Variants in BLMH observed in about 807,000 individuals in gnomAD.
The protein encoded by BLMH is bleomycin hydrolase.
In BLMH, 32 loss-of-function variants were observed where a neutral mutation model predicts 61.6. The ratio of observed to expected loss-of-function variants is 0.52; its 90% CI spans 0.39 to 0.70. BLMH has a LOEUF of 0.70. BLMH is among the 30% of genes least tolerant of loss of function. The pLI, the probability that BLMH is intolerant of heterozygous loss-of-function variation, is 0.00. For synonymous variants in BLMH, 183 were observed against 193.8 expected, an observed-to-expected ratio of 0.94 and a Z score of 0.46; for missense variants, 460 against 555.5, an observed-to-expected ratio of 0.83 and a Z score of 1.73.
intron 10 of BLMH, among the ~76,000 whole-genome samples, chr17:30,268,903 TAGCC>T (rs1908187339): frequency 6.9e-6 from 1 of 145,720 alleles, no homozygotes; most frequent in Non-Finnish European, 1.5e-5. Context: ...AAAAAAAAAT[TAGCC>T]AGGCCGATGG....
intron 6 of BLMH, among the ~76,000 whole-genome samples, chr17:30,275,501 A>T (rs563670262): frequency 1.9e-3 from 288 of 152,128 alleles, no homozygotes; most frequent in Non-Finnish European, 2.4e-3. Context: ...TTTACTAAAG[A>T]TACAAAAGAA....
chr17:30,249,590 C>T (rs1481877349), intron 11 of BLMH: 1 of 158,612 alleles, frequency 6.3e-6, no homozygotes. Flanking sequence ...GTCAGAAGGG[C>T]AAGCATCCCA....
chr17:30,290,200 A>C (rs1043274193), intron 2 of BLMH, among the ~76,000 whole-genome samples: 1 of 152,180 alleles, frequency 6.6e-6, no homozygotes, highest in African/African-American at 2.4e-5. Context: ...TTTCTAGTAG[A>C]GGGGATCTGG....
chr17:30,265,440 C>A (rs1178505484), intron 11 of BLMH, among the ~76,000 whole-genome samples: 1 of 152,146 alleles, frequency 6.6e-6, no homozygotes, highest in Non-Finnish European at 1.5e-5. Flanking sequence ...CTACCTTTTA[C>A]CCTTGGAAAT....
rs1908267268 is a variant in BLMH, at chr17:30,271,390, T to C, written c.1029-2A>G. The C allele has an allele frequency of 1.2e-5, 20 of 1,608,992 alleles. No homozygotes were observed. The highest frequency in any genetic ancestry group is 1.7e-5 in the Non-Finnish European group (20 of 1,175,378). On this transcript the variant is annotated splice_acceptor_variant, in intron 9 of 11. Coordinates refer to ENST00000261714, the MANE Select transcript of BLMH (RefSeq NM_000386.4). LOFTEE classifies it high-confidence loss of function. The stretch of plus-strand genomic sequence containing the variant: ...CCAAACACTAACTCATGGTCATAGC[T>C]GTAAAAAGAATGATAGTACAAAATA...
intron 11 of BLMH, among the ~76,000 whole-genome samples, chr17:30,253,671 A>G (rs1307018445): frequency 2.2e-4 from 34 of 152,194 alleles, no homozygotes; most frequent in Non-Finnish European, 1.5e-5. Context: ...CAAGCATTCC[A>G]AGGAAAAAAG....
chr17:30,249,195 A>G (rs1409041934), intron 11 of BLMH, 27 bp from the exon 12 acceptor site: 2 of 1,612,808 alleles, frequency 1.2e-6, no homozygotes, highest in Admixed American at 1.7e-5. Context: ...AAGACTTATG[A>G]GTCCAGAGGG....
chr17:30,268,368 G>GA (rs1908167698), intron 10 of BLMH, among the ~76,000 whole-genome samples: 1 of 152,164 alleles, frequency 6.6e-6, no homozygotes, highest in Admixed American at 6.5e-5. Flanking sequence ...AGCAACAAAA[G>GA]AAAGAAAATT....
intron 4 of BLMH, 152 bp from the exon 5 acceptor site, chr17:30,287,054 T>A: frequency 1.6e-6 from 1 of 613,514 alleles, no homozygotes. Flanking sequence ...TTGTTTTTTG[T>A]TTTTTGTTTT....
At chr17:30,259,192 C>G (rs1907894992) in intron 11 of BLMH, among the ~76,000 whole-genome samples, 1 of 152,142 alleles carries the variant, frequency 6.6e-6, no homozygotes, top group Non-Finnish European at 1.5e-5. Flanking sequence ...AGATTTACAG[C>G]CTTAATTGTC....
chr17:30,283,184 C>T (rs773168268), intron 6 of BLMH, among the ~76,000 whole-genome samples: 4 of 152,104 alleles, frequency 2.6e-5, no homozygotes, highest in Non-Finnish European at 5.9e-5. Context: ...AACCCTTACA[C>T]ACAGAATTCT....
intron 6 of BLMH, 43 bp downstream of exon 6, chr17:30,285,345 G>A (rs750327577): frequency 4.4e-5 from 60 of 1,361,006 alleles, no homozygotes; most frequent in Non-Finnish European, 6.2e-5. Context: ...TATTCTGAGA[G>A]TTCCTTAGAG....
At chr17:30,288,180 T>C in intron 3 of BLMH, 1 of 391,650 alleles carries the variant, frequency 2.6e-6, no homozygotes, top group Non-Finnish European at 4.6e-6. Flanking sequence ...ACAAGCACCA[T>C]AATAAGTATT....
chr17:30,265,246 C>T (rs1461426018), intron 11 of BLMH, among the ~76,000 whole-genome samples: 1 of 152,132 alleles, frequency 6.6e-6, no homozygotes, highest in African/African-American at 2.4e-5. Flanking sequence ...GAAAAGCCCT[C>T]GAATGACAAA....
At chr17:30,271,437 A>C (rs774415865) in intron 9 of BLMH, 49 bp from the exon 10 acceptor site, 14 of 1,490,902 alleles carry the variant, frequency 9.4e-6, no homozygotes, top group Middle Eastern at 1.8e-4. Context: ...ATCATGGGGA[A>C]AACTGGCTTT....
At position 30,274,042 on chromosome 17, in the gene BLMH, C is replaced by T; in HGVS notation, c.801G>A (p.Lys267=). 1 of 1,614,076 alleles carries T rather than the reference C, an allele frequency of 6.2e-7. No homozygotes were observed. Among genetic ancestry groups the T allele is most frequent in the Non-Finnish European group, 8.5e-7 (1 of 1,179,988 alleles). The change falls in exon 7 of 12, where the codon AAG becomes AAA. Residue 267 remains lysine, a splice_region_variant and synonymous_variant. Coordinates refer to ENST00000261714, the MANE Select transcript of BLMH (RefSeq NM_000386.4). ...HVKPLFNMED[K]ICLVNDPRPQ... ...GTGACTACCAGTGCCATTCACCAAC[C>T]TTATCTTCCATATTGAAGAGTGGCT... is the stretch of plus-strand genomic sequence containing the variant.
chr17:30,285,384 T>C lies in BLMH; in HGVS notation c.645+4A>G. The C allele has an allele frequency of 6.2e-7, 1 of 1,604,482 alleles. No individual in the cohort carries two copies. Among genetic ancestry groups the C allele is most frequent in the Non-Finnish European group, 8.5e-7 (1 of 1,175,332 alleles). On this transcript the variant is annotated splice_donor_region_variant and intron_variant, in intron 6 of 11. Transcript: ENST00000261714. Reference sequence around the variant, plus strand: ...TCACAAAAAAATCCAAATTTTGTTATTACCTCCTCCATCATGACGTCCTGT... The same window carrying C: ...TCACAAAAAAATCCAAATTTTGTTACTACCTCCTCCATCATGACGTCCTGT...
chr17:30,267,697 C>G (rs1908149307), intron 10 of BLMH, among the ~76,000 whole-genome samples: 1 of 152,164 alleles, frequency 6.6e-6, no homozygotes, highest in African/African-American at 2.4e-5. Context: ...CATTTACAGC[C>G]TTTACTATAG....
At chr17:30,254,442 T>C (rs79605156) in intron 11 of BLMH, among the ~76,000 whole-genome samples, 1 of 152,070 alleles carries the variant, frequency 6.6e-6, no homozygotes, top group Non-Finnish European at 1.5e-5. Flanking sequence ...TTCCTAATCA[T>C]CAGGGAGAAA....
Sources: gnomAD v4.1 joint callset for allele counts (sites outside exome capture counted in the v4.1 genomes callset) on GRCh38, gnomAD v4.1.1 for gene constraint, MANE v1.5 for transcripts, NCBI Gene and HGNC (gene_info 2026-07-23, HGNC 2026-07-21) for gene names.